PPARGC1A: variants seen among roughly 807,000 people sequenced by gnomAD.
The protein encoded by PPARGC1A is PPARG coactivator 1 alpha, also known as peroxisome proliferator-activated receptor gamma coactivator 1-alpha.
Under a neutral mutation model 88.7 loss-of-function variants are expected in PPARGC1A, and 25 were observed. That is an observed-to-expected ratio of 0.28 (90% CI 0.21 to 0.39). The LOEUF is 0.39. PPARGC1A is among the 10% of genes least tolerant of loss of function. The probability of loss-of-function intolerance (pLI) is 1.00; values close to 1 mark genes in which losing one functional copy is unlikely to be tolerated. For synonymous variants in PPARGC1A, 363 were observed against 355.6 expected, an observed-to-expected ratio of 1.02 and a Z score of -0.24; for missense variants, 880 against 968.7, an observed-to-expected ratio of 0.91 and a Z score of 1.22.
the PPARGC1A span, among the ~76,000 whole-genome samples, chr4:24,000,910 T>C: frequency 2.6e-5 from 4 of 152,296 alleles, no homozygotes; most frequent in Non-Finnish European, 2.9e-5. Flanking sequence ...GTGAGCAAAA[T>C]AGATTTTGGA....
At chr4:24,437,594 T>TTGTTGTTGTTGTTGTTG in the PPARGC1A span, among the ~76,000 whole-genome samples, 1 of 143,754 alleles carries the variant, frequency 7.0e-6, no homozygotes, top group African/African-American at 2.6e-5. Flanking sequence ...GCACAGGTTT[T>TTGTTGTTGTTGTTGTTG]TTGTTGTTGT....
chr4:23,815,274 G>A (rs747335309), intron 7 of PPARGC1A, among the ~76,000 whole-genome samples: 5 of 152,088 alleles, frequency 3.3e-5, no homozygotes, highest in Admixed American at 1.3e-4. Flanking sequence ...ATTCTTTGTC[G>A]CCACAGTTCA....
the PPARGC1A span, among the ~76,000 whole-genome samples, chr4:24,220,576 C>A: frequency 5.9e-5 from 9 of 152,266 alleles, no homozygotes; most frequent in African/African-American, 2.4e-5. Context: ...TTTGCAGCAA[C>A]ATGGATATAG....
chr4:24,471,116 G>A, the PPARGC1A span, among the ~76,000 whole-genome samples: 1 of 151,702 alleles, frequency 6.6e-6, no homozygotes, highest in Non-Finnish European at 1.5e-5. The surrounding 1 kb of genome is among the most constrained non-coding windows in gnomAD (Gnocchi z 5.4). Context: ...CGGAGGCCAG[G>A]CGAGCCGGGC....
the PPARGC1A span, among the ~76,000 whole-genome samples, chr4:24,343,255 T>C: frequency 6.6e-6 from 1 of 152,168 alleles, no homozygotes; most frequent in African/African-American, 2.4e-5. Flanking sequence ...AATGTGTGTG[T>C]CCCTTCTAAA....
chr4:23,873,842 T>C (rs1393980062), intron 2 of PPARGC1A, among the ~76,000 whole-genome samples: 1 of 152,000 alleles, frequency 6.6e-6, no homozygotes, highest in Admixed American at 6.5e-5. Context: ...TACTCACACA[T>C]ACACAACCCA....
At chr4:23,934,898 T>C in the PPARGC1A span, among the ~76,000 whole-genome samples, 1 of 152,220 alleles carries the variant, frequency 6.6e-6, no homozygotes, top group Non-Finnish European at 1.5e-5. Context: ...CTTTCTCTCC[T>C]TTGGAACCAA....
chr4:23,988,006 G>A, the PPARGC1A span, among the ~76,000 whole-genome samples: 2 of 143,884 alleles, frequency 1.4e-5, no homozygotes, highest in Admixed American at 1.4e-4. Flanking sequence ...TGTTCTCATT[G>A]TTCAACTCCC....
At chr4:24,054,205 G>A in the PPARGC1A span, among the ~76,000 whole-genome samples, 2 of 151,792 alleles carry the variant, frequency 1.3e-5, no homozygotes, top group Non-Finnish European at 2.9e-5. Context: ...GGTATCCTAA[G>A]GGGAAAAGAA....
At chr4:24,152,151 A>C in the PPARGC1A span, among the ~76,000 whole-genome samples, 1 of 152,206 alleles carries the variant, frequency 6.6e-6, no homozygotes, top group Non-Finnish European at 1.5e-5. Context: ...GATTTAAGCC[A>C]CTTCCTCACA....
chr4:23,944,282 AT>A, the PPARGC1A span, among the ~76,000 whole-genome samples: 1 of 152,224 alleles, frequency 6.6e-6, no homozygotes, highest in Non-Finnish European at 1.5e-5. Context: ...GAATGCAGTC[AT>A]GCACAATAAT....
At chr4:24,270,321 C>G in the PPARGC1A span, among the ~76,000 whole-genome samples, 16 of 24,900 alleles carry the variant, frequency 6.4e-4, no homozygotes, top group Admixed American at 2.4e-3. Flanking sequence ...CTCTCTCTCT[C>G]TCTCTCTCTC....
intron 2 of PPARGC1A, among the ~76,000 whole-genome samples, chr4:23,844,500 TA>T (rs1338459714): frequency 1.5e-4 from 8 of 53,228 alleles, no homozygotes; most frequent in South Asian, 1.0e-3. Flanking sequence ...TCATAATATA[TA>T]ATATAATAAT....
chr4:23,974,016 G>A, the PPARGC1A span, among the ~76,000 whole-genome samples: 5 of 152,024 alleles, frequency 3.3e-5, no homozygotes, highest in African/African-American at 1.2e-4. Context: ...CTGCTTTGAA[G>A]ATTATTGGAG....
At chr4:24,324,003 A>C in the PPARGC1A span, among the ~76,000 whole-genome samples, 1 of 152,212 alleles carries the variant, frequency 6.6e-6, no homozygotes, top group Non-Finnish European at 1.5e-5. Context: ...GAGACAAAAG[A>C]GACACGTTTT....
upstream of PPARGC1A, among the ~76,000 whole-genome samples, chr4:23,890,859 C>T (rs1717756063): frequency 6.6e-6 from 1 of 152,092 alleles, no homozygotes; most frequent in South Asian, 2.1e-4. Context: ...TAAATACAGT[C>T]GCTGCTGCTC....
chr4:23,857,559 C>A (rs569903634), intron 2 of PPARGC1A, among the ~76,000 whole-genome samples: 1 of 151,716 alleles, frequency 6.6e-6, no homozygotes, highest in South Asian at 2.1e-4. Context: ...AACAAGAACC[C>A]CATTCTTTTA....
the PPARGC1A span, among the ~76,000 whole-genome samples, chr4:24,306,962 C>A: frequency 8.5e-5 from 13 of 152,278 alleles, no homozygotes; most frequent in African/African-American, 2.9e-4. Flanking sequence ...AAAATTGAAT[C>A]GCTTTCATTA....
At chr4:23,820,175 GAGAAAAAATTA>G (rs1722737839) in intron 7 of PPARGC1A, among the ~76,000 whole-genome samples, 1 of 152,020 alleles carries the variant, frequency 6.6e-6, no homozygotes, top group Non-Finnish European at 1.5e-5. Context: ...TTAAAGCGTA[GAGAAAAAATTA>G]AGTAAAAAAT....
Sources: gnomAD v4.1 joint callset for allele counts (sites outside exome capture counted in the v4.1 genomes callset) on GRCh38, gnomAD v4.1.1 for gene constraint, Gnocchi (gnomAD v3.1) non-coding constraint, MANE v1.5 for transcripts, NCBI Gene and HGNC (gene_info 2026-07-23, HGNC 2026-07-21) for gene names.